Variants in AP1S3 observed in about 807,000 individuals in gnomAD.
The protein encoded by AP1S3 is AP-1 complex subunit sigma-3.
In AP1S3, 10 loss-of-function variants were observed where a neutral mutation model predicts 20.9. The observed-to-expected ratio is 0.48, with a 90% CI of 0.29 to 0.81. The LOEUF is 0.81. Among genes scored for constraint, AP1S3 ranks in the 30% least tolerant of loss-of-function variants. The pLI, the probability that AP1S3 is intolerant of heterozygous loss-of-function variation, is 0.08. For synonymous variants in AP1S3, 41 were observed against 61.5 expected (o/e 0.67, Z 1.56); for missense variants, 154 against 183.8 (o/e 0.84, Z 0.94).
chr2:223,801,283 G>A (rs764959865), intron 1 of AP1S3, among the ~76,000 whole-genome samples: 22 of 152,070 alleles, frequency 1.4e-4, no homozygotes, highest in Admixed American at 3.9e-4. Context: ...CCAGATCGAC[G>A]AGCTAGAAGG....
chr2:223,788,816 G>C (rs748845249), intron 1 of AP1S3, among the ~76,000 whole-genome samples: 1 of 151,122 alleles, frequency 6.6e-6, no homozygotes, highest in Non-Finnish European at 1.5e-5. Flanking sequence ...GCAGATGCCT[G>C]CCACCCTCCT....
chr2:223,817,331 G>C (rs972699870), intron 1 of AP1S3, among the ~76,000 whole-genome samples: 2 of 151,720 alleles, frequency 1.3e-5, no homozygotes, highest in Non-Finnish European at 2.9e-5. Flanking sequence ...TTTGGGGGCT[G>C]GGTGTGGTAG....
chr2:223,815,516 G>A (rs530274236), intron 1 of AP1S3, among the ~76,000 whole-genome samples: 5 of 152,200 alleles, frequency 3.3e-5, no homozygotes, highest in African/African-American at 1.2e-4. Flanking sequence ...TGAGGACTGC[G>A]GTACTAACCA....
intron 1 of AP1S3, among the ~76,000 whole-genome samples, chr2:223,822,333 T>A (rs1027022930): frequency 6.6e-6 from 1 of 151,436 alleles, no homozygotes; most frequent in Non-Finnish European, 1.5e-5. Flanking sequence ...TGGTGAGCCA[T>A]GATCACTCCA....
At chr2:223,795,058 T>C (rs1691303093) in intron 1 of AP1S3, among the ~76,000 whole-genome samples, 8 of 152,170 alleles carry the variant, frequency 5.3e-5, no homozygotes, top group Admixed American at 5.2e-4. Context: ...GAGACCAGGC[T>C]GACCAATATG....
intron 3 of AP1S3, among the ~76,000 whole-genome samples, chr2:223,770,727 A>ATTTTTTTTTTTTTTTTTTTTTTTTTT (rs764596538): frequency 8.7e-6 from 1 of 115,316 alleles, no homozygotes; most frequent in African/African-American, 3.6e-5. Flanking sequence ...AGACCAGTTC[A>ATTTTTTTTTTTTTTTTTTTTTTTTTT]TTTTTTTTTT....
At chr2:223,815,804 G>T (rs1298120509) in intron 1 of AP1S3, among the ~76,000 whole-genome samples, 1 of 152,106 alleles carries the variant, frequency 6.6e-6, no homozygotes, top group African/African-American at 2.4e-5. Flanking sequence ...TTTTGCCACA[G>T]GCTAATTGAT....
chr2:223,822,465 A>T (rs1383600002), intron 1 of AP1S3, among the ~76,000 whole-genome samples: 1 of 152,122 alleles, frequency 6.6e-6, no homozygotes, highest in East Asian at 1.9e-4. Context: ...TGGGTGGATC[A>T]CCTGAGGTCA....
intron 1 of AP1S3, among the ~76,000 whole-genome samples, chr2:223,786,101 T>C (rs1691065655): frequency 6.6e-6 from 1 of 152,164 alleles, no homozygotes; most frequent in African/African-American, 2.4e-5. Context: ...CTCAATTTTG[T>C]TGTGAACTTA....
At chr2:223,811,458 A>T (rs1009061291) in intron 1 of AP1S3, among the ~76,000 whole-genome samples, 2 of 150,360 alleles carry the variant, frequency 1.3e-5, no homozygotes, top group Admixed American at 6.7e-5. Context: ...CATCCCAGCT[A>T]CTCAGGAGGC....
At chr2:223,820,340 G>A (rs763611574) in intron 1 of AP1S3, among the ~76,000 whole-genome samples, 2 of 151,942 alleles carry the variant, frequency 1.3e-5, no homozygotes, top group Non-Finnish European at 2.9e-5. Context: ...AATATGCATC[G>A]ACTGACATAT....
chr2:223,765,029 G>T, intron 4 of AP1S3, 184 bp downstream of exon 4: 2 of 793,696 alleles, frequency 2.5e-6, no homozygotes, highest in Non-Finnish European at 3.6e-6. Flanking sequence ...TAAAGTGGGA[G>T]TAACAATACC....
chr2:223,782,457 T>C (rs1398626280), intron 1 of AP1S3, among the ~76,000 whole-genome samples: 2 of 152,242 alleles, frequency 1.3e-5, no homozygotes, highest in African/African-American at 4.8e-5. Flanking sequence ...ACGTTACTTT[T>C]AATCGAGGGC....
rs1690449146 is a variant in AP1S3 at position 223,765,238 on chromosome 2, A to G, written c.404T>C (p.Ile135Thr). 14 of 1,614,128 alleles carry G rather than the reference A, an allele frequency of 8.7e-6. No homozygotes were observed. Among genetic ancestry groups the G allele is most frequent in the African/African-American group, 1.3e-5 (1 of 75,042 alleles). ...CTCCTGTAACATATCAGAGTCTTCA[A>G]TGGCTTTGACAGCAATTTTCTTGGA... ...ETSKKIAVKA[I>T]EDSDMLQETM... Residue 135 changes from isoleucine (I) to threonine (T), a missense_variant, in exon 4 of 5, where the codon ATT becomes ACT. By Grantham distance (89) the Ile-to-Thr change is moderately conservative (BLOSUM62 -1). Coordinates refer to ENST00000396654, the MANE Select transcript of AP1S3 (RefSeq NM_001039569.2).
chr2:223,771,497 C>A (rs1281806456), intron 3 of AP1S3, among the ~76,000 whole-genome samples: 3 of 152,168 alleles, frequency 2.0e-5, no homozygotes, highest in African/African-American at 7.2e-5. Context: ...TAAACATGAG[C>A]CTCTTTATTT....
At position 223,756,323 on chromosome 2, in the gene AP1S3, A is replaced by G. The variant is rs773929307; in HGVS notation, c.*2392T>C. On this transcript the variant is annotated 3_prime_UTR_variant, in exon 5 of 5. Coordinates refer to ENST00000396654, the MANE Select transcript of AP1S3 (RefSeq NM_001039569.2). ...TTGCACTCTGGCCTGGGTGACAAGA[A>G]GCGAGGAAAGAAAAGAAAGAAAAGA... 6.8e-6 allele frequency among the ~76,000 whole-genome samples: 1 copy of G among 146,758 alleles called. No homozygotes were observed. The highest frequency in any genetic ancestry group is 2.5e-5 in the African/African-American group (1 of 40,588).
chr2:223,822,799 A>C (rs985195756), intron 1 of AP1S3, among the ~76,000 whole-genome samples: 1 of 152,338 alleles, frequency 6.6e-6, no homozygotes, highest in Admixed American at 6.5e-5. Context: ...GTGAAGACAC[A>C]ACCTATGAAA....
At chr2:223,818,561 T>C in intron 1 of AP1S3, among the ~76,000 whole-genome samples, 1 of 137,430 alleles carries the variant, frequency 7.3e-6, no homozygotes, top group East Asian at 1.9e-4. Flanking sequence ...GCAAATTTTC[T>C]TTTTTTTTTG....
At chr2:223,759,093 A>AGGTGT (rs1690291702) in intron 4 of AP1S3, among the ~76,000 whole-genome samples, 1 of 152,086 alleles carries the variant, frequency 6.6e-6, no homozygotes, top group Admixed American at 6.5e-5. Context: ...CAGCCTGGCC[A>AGGTGT]ACATGACAAA....
Sources: allele counts gnomAD v4.1 joint callset (sites outside exome capture counted in the v4.1 genomes callset), GRCh38; gene constraint gnomAD v4.1.1; transcripts MANE v1.5; gene names NCBI Gene and HGNC (gene_info 2026-07-23, HGNC 2026-07-21).